The following PDCD11 variants were observed in gnomAD, a reference collection of about 807,000 sequenced individuals.
PDCD11 encodes the protein protein RRP5 homolog.
A neutral mutation model predicts 198.9 loss-of-function variants in PDCD11; 97 were observed. The ratio of observed to expected loss-of-function variants is 0.49; its 90% CI spans 0.41 to 0.58. The LOEUF (loss-of-function observed/expected upper bound fraction) is 0.58, where lower values mean the gene tolerates loss of function less well. Ranked by LOEUF, PDCD11 falls within the 20% of genes least tolerant of loss-of-function variation. The probability of loss-of-function intolerance (pLI) is 0.00; values close to 1 mark genes in which losing one functional copy is unlikely to be tolerated. For missense variants in PDCD11, 2,102 were observed against 2,312.7 expected (o/e 0.91, Z 1.87); for synonymous variants, 893 against 918.0 (o/e 0.97, Z 0.49).
intron 25 of PDCD11, 133 bp downstream of exon 25, chr10:103,435,108 C>T (rs2032097480): frequency 9.7e-6 from 5 of 518,026 alleles, no homozygotes; most frequent in Middle Eastern, 3.4e-4. Context: ...TCTGTAACCC[C>T]TCTGTTTCTC....
In PDCD11 at chr10:103,434,914, C is replaced by G; in HGVS notation, c.3784C>G (p.His1262Asp). Residue 1262 changes from histidine to aspartate, a missense_variant, in exon 25 of 36, where the codon CAC (histidine) becomes GAC (aspartate). His to Asp is a moderately conservative substitution (Grantham distance 81). Transcript: ENST00000369797. ...FGKIGTVSIF[H>D]MSDSYSETPL... ...GAAGATAGGAACAGTCAGTATATTTCACATGAGTGACTCCTACTCCGAGAC... is the reference window on the plus strand; with the variant it reads ...GAAGATAGGAACAGTCAGTATATTTGACATGAGTGACTCCTACTCCGAGAC... 1 of 1,609,770 alleles carries G rather than the reference C, an allele frequency of 6.2e-7. No homozygotes were observed. The highest frequency in any genetic ancestry group is 1.1e-5 in the South Asian group (1 of 90,238).
At chr10:103,439,494 TC>T (rs1268296625) in intron 27 of PDCD11, among the ~76,000 whole-genome samples, 4 of 152,240 alleles carry the variant, frequency 2.6e-5, no homozygotes, top group Non-Finnish European at 5.9e-5. Context: ...CTGCAGTTTC[TC>T]CTAGCAGTTT....
chr10:103,409,988 C>T (rs1417439416), intron 8 of PDCD11, among the ~76,000 whole-genome samples, 182 bp downstream of exon 8: 1 of 152,114 alleles, frequency 6.6e-6, no homozygotes, highest in Non-Finnish European at 1.5e-5. Context: ...GTAATCCCAA[C>T]ACTTTAGGAG....
At position 103,438,680 on chromosome 10, in the gene PDCD11, C is replaced by T. The variant is rs374164811; in HGVS notation, c.3903-6C>T. ...AGGTGTGCATGTAAGCCTTTTATTC[C>T]TTTAGAACAAACCCGGAGACGAAAA... On this transcript the variant is annotated splice_region_variant and splice_polypyrimidine_tract_variant and intron_variant, in intron 26 of 35. Coordinates refer to ENST00000369797, the MANE Select transcript of PDCD11 (RefSeq NM_014976.2). 1.9e-6 allele frequency: 3 copies of T among 1,614,002 alleles called. No individual in the cohort carries two copies. The highest frequency in any genetic ancestry group is 2.5e-6 in the Non-Finnish European group (3 of 1,180,020).
chr10:103,402,189 A>G (rs913302218), intron 3 of PDCD11, among the ~76,000 whole-genome samples: 3 of 152,122 alleles, frequency 2.0e-5, no homozygotes, highest in Non-Finnish European at 4.4e-5. Context: ...TGGCATGGTC[A>G]CTCCAGACTG....
Position 103,439,870 on chromosome 10 carries a change from T to C in PDCD11, c.4148+2T>C, listed in dbSNP as rs1379287506. The C allele has an allele frequency of 6.2e-7, 1 of 1,614,076 alleles. No individual in the cohort carries two copies. The highest frequency in any genetic ancestry group is 1.7e-5 in the Admixed American group (1 of 60,016). On this transcript the variant is annotated splice_donor_variant, in intron 28 of 35. Transcript: ENST00000369797. LOFTEE classifies it high-confidence loss of function. The stretch of plus-strand genomic sequence containing the variant: ...GCTGCTCACAGCCAGGGTCCTACGG[T>C]AGGTGCCTTCCCGTTCTCTCTCTCT...
chr10:103,434,228 G>T lies in PDCD11; in HGVS notation c.3565-20G>T. ...GACAGCCTTTCTTCAAGCATCACAG[G>T]AGTTTTTTTATCCTTCCAGGTTCTG... On this transcript the variant is annotated intron_variant, in intron 23 of 35. Transcript: ENST00000369797. 1.3e-6 allele frequency: 2 copies of T among 1,540,326 alleles called. No homozygotes were observed. The highest frequency in any genetic ancestry group is 1.1e-5 in the South Asian group (1 of 89,478).
chr10:103,440,423 G>C lies in PDCD11; in HGVS notation c.4282G>C (p.Asp1428His). 2 of 1,614,184 alleles carry C rather than the reference G, an allele frequency of 1.2e-6. No homozygotes were observed. Among genetic ancestry groups the C allele is most frequent in the Non-Finnish European group, 1.7e-6 (2 of 1,180,012 alleles). Residue 1428 changes from aspartate to histidine, a missense_variant, in exon 29 of 36, where the codon GAC becomes CAC. By Grantham distance (81) the Asp-to-His change is moderately conservative. Coordinates refer to ENST00000369797, the MANE Select transcript of PDCD11 (RefSeq NM_014976.2). ...GAGGAAAACAGAGGCTGAGGAGAGA[G>C]ACCAAAAAGGGGAAAAGAAAAATCA... The part of the protein sequence containing the change: ...EERKTEAEER[D>H]QKGEKKNQKR...
chr10:103,413,440 AGTTCTAATTCCT>A, intron 9 of PDCD11, 118 bp downstream of exon 9: 2 of 760,510 alleles, frequency 2.6e-6, no homozygotes, highest in Non-Finnish European at 2.2e-6. Context: ...TGGATATTGT[AGTTCTAATTCCT>A]GTTCATAGTG....
At position 103,406,733 on chromosome 10, in the gene PDCD11, G is replaced by A. The variant is rs771734935; in HGVS notation, c.813G>A (p.Gln271=). Residue 271 remains glutamine (Q), a synonymous_variant, in exon 7 of 36, where the codon CAG becomes CAA. Coordinates refer to ENST00000369797, the MANE Select transcript of PDCD11 (RefSeq NM_014976.2). The stretch of plus-strand genomic sequence containing the variant: ...CTACGGCCATTGCTACTGAACAGCA[G>A]AGCTGGAACCTTAATAACTTGCTAC... ...EVSTAIATEQ[Q]SWNLNNLLPG... is the part of the protein sequence containing the mutation. The A allele has an allele frequency of 1.9e-6, 3 of 1,614,190 alleles. No individual in the cohort carries two copies. The highest frequency in any genetic ancestry group is 2.2e-5 in the South Asian group (2 of 91,090).
rs555384586 is a variant in PDCD11, at chr10:103,414,035, T to C, written c.1255T>C (p.Cys419Arg). The C allele has an allele frequency of 5.0e-6, 8 of 1,613,596 alleles. No individual in the cohort carries two copies. The highest frequency in any genetic ancestry group is 6.8e-6 in the Non-Finnish European group (8 of 1,179,832). ...CTTCAAGCCAGGGAACACTCACAAG[T>C]GTAGAATTATTGACTACAGCCAAAT... is the stretch of plus-strand genomic sequence containing the variant. The part of the protein sequence containing the change: ...EAFKPGNTHK[C>R]RIIDYSQMDE... The change falls in exon 10 of 36, where the codon TGT becomes CGT. Residue 419 changes from cysteine (C) to arginine (R), a missense_variant. Physicochemically the swap from Cys to Arg is radical, Grantham distance 180. Coordinates refer to ENST00000369797, the MANE Select transcript of PDCD11 (RefSeq NM_014976.2).
rs1480595857 is a variant in PDCD11, at chr10:103,421,463, G to A, written c.2393G>A (p.Arg798Gln). ...EEKQRMLLSL[R>Q]LSDCGLGDLA... ...AAGCAGCGGATGCTGCTGTCACTGCGGCTGTCGGACTGTGGTCTGGGGGAC... is the reference window on the plus strand; with the variant it reads ...AAGCAGCGGATGCTGCTGTCACTGCAGCTGTCGGACTGTGGTCTGGGGGAC... Residue 798 changes from arginine to glutamine, a missense_variant, in exon 17 of 36, where the codon CGG becomes CAG. By Grantham distance (43) the Arg-to-Gln change is conservative. Transcript: ENST00000369797. 6.9e-6 allele frequency: 11 copies of A among 1,602,656 alleles called. No individual in the cohort carries two copies. Among genetic ancestry groups the A allele is most frequent in the East Asian group, 2.2e-5 (1 of 44,652 alleles).
chr10:103,444,036 A>T lies in PDCD11; in HGVS notation c.5246A>T (p.Gln1749Leu). 6.2e-7 allele frequency: 1 copy of T among 1,612,496 alleles called. No homozygotes were observed. Among genetic ancestry groups the T allele is most frequent in the Non-Finnish European group, 8.5e-7 (1 of 1,179,972 alleles). ...GCTGCAGCCAGTCACCGCGTGCTGC[A>T]GCGAGCCCTGGAGTGCCTGCCTAGC... The part of the protein sequence containing the change: ...SQAAASHRVL[Q>L]RALECLPSKE... Residue 1749 changes from glutamine to leucine, a missense_variant, in exon 34 of 36, where the codon CAG becomes CTG. Coordinates refer to ENST00000369797, the MANE Select transcript of PDCD11 (RefSeq NM_014976.2).
intron 7 of PDCD11, 57 bp from the exon 8 acceptor site, chr10:103,409,642 C>A: frequency 8.4e-7 from 1 of 1,196,462 alleles, no homozygotes. Context: ...AGCAATGTCT[C>A]ACATTCCTGG....
chr10:103,436,698 A>G (rs145305464), intron 25 of PDCD11, among the ~76,000 whole-genome samples: 1 of 152,288 alleles, frequency 6.6e-6, no homozygotes, highest in East Asian at 1.9e-4. Flanking sequence ...GTGGTTTTAA[A>G]TGTGTTTTAT....
intron 34 of PDCD11, 31 bp downstream of exon 34, chr10:103,444,099 T>C: frequency 6.3e-7 from 1 of 1,596,790 alleles, no homozygotes; most frequent in Non-Finnish European, 8.5e-7. Flanking sequence ...CCTGAGCCCA[T>C]GAGCACTCCA....
In PDCD11 at chr10:103,434,357, G is replaced by T; in HGVS notation, c.3667+7G>T. On this transcript the variant is annotated splice_region_variant and intron_variant, in intron 24 of 35. Coordinates refer to ENST00000369797, the MANE Select transcript of PDCD11 (RefSeq NM_014976.2). ...TTATGTCTGTCCCTCACAGGTGTGG[G>T]GATGAAACAGTGCCTGGTCGGGGAA... 1.3e-6 allele frequency: 2 copies of T among 1,561,130 alleles called. No individual in the cohort carries two copies. The highest frequency in any genetic ancestry group is 8.8e-7 in the Non-Finnish European group (1 of 1,132,220).
chr10:103,412,411 C>G (rs2030854555), intron 8 of PDCD11, among the ~76,000 whole-genome samples: 1 of 152,150 alleles, frequency 6.6e-6, no homozygotes, highest in Non-Finnish European at 1.5e-5. Context: ...GTCTCCGCCT[C>G]TTGGGTTCAA....
chr10:103,430,561 T>A (rs149262161), intron 21 of PDCD11, among the ~76,000 whole-genome samples: 268 of 152,296 alleles, frequency 1.8e-3, no homozygotes, highest in African/African-American at 6.3e-3. Flanking sequence ...ATAATCGCTG[T>A]ACCATTTTAC....
Sources: allele counts gnomAD v4.1 joint callset (sites outside exome capture counted in the v4.1 genomes callset), GRCh38; gene constraint gnomAD v4.1.1; transcripts MANE v1.5; gene names NCBI Gene and HGNC (gene_info 2026-07-23, HGNC 2026-07-21).